The following FKBP5 variants were observed in gnomAD, a reference collection of about 807,000 sequenced individuals.
FKBP5 encodes the protein peptidyl-prolyl cis-trans isomerase FKBP5.
A neutral mutation model predicts 50.5 loss-of-function variants in FKBP5; 23 were observed. The observed-to-expected ratio is 0.46, with a 90% CI of 0.33 to 0.65. The LOEUF is 0.65. Among genes scored for constraint, FKBP5 ranks in the 30% least tolerant of loss-of-function variants. The probability of loss-of-function intolerance (pLI) is 0.02; values close to 1 mark genes in which losing one functional copy is unlikely to be tolerated. For missense variants in FKBP5, 411 were observed against 553.1 expected, an observed-to-expected ratio of 0.74 and a Z score of 2.58; for synonymous variants, 176 against 190.6, an observed-to-expected ratio of 0.92 and a Z score of 0.63.
At position 35,644,986 on chromosome 6, in the gene FKBP5, T is replaced by C. The variant is rs189465203; in HGVS notation, c.-19-2143A>G. On this transcript the variant is annotated intron_variant, in intron 1 of 10. Coordinates refer to ENST00000357266, the MANE Select transcript of FKBP5 (RefSeq NM_004117.4). ...GGTTATTGGGAAAGTACCCCACAGA[T>C]TACTTATTATTAAAAAAGGAAAAAG... is the stretch of plus-strand genomic sequence containing the variant. Among the ~76,000 whole-genome samples the C allele has an allele frequency of 3.5e-3, 528 of 152,256 alleles. 4 individuals carry two copies. The highest frequency in any genetic ancestry group is 0.012 in the African/African-American group (493 of 41,552).
chr6:35,723,290 C>T (rs1766647318), intron 1 of FKBP5, among the ~76,000 whole-genome samples: 5 of 151,386 alleles, frequency 3.3e-5, no homozygotes, highest in Admixed American at 3.3e-4. Flanking sequence ...AAATAAATGC[C>T]CAGGCACAGG....
rs1766158599 is a variant in FKBP5, at chr6:35,700,375, A to C, written c.-20+19953T>G. 2.0e-5 allele frequency among the ~76,000 whole-genome samples: 3 copies of C among 152,250 alleles called. No individual in the cohort carries two copies. In the South Asian group the frequency reaches 6.2e-4, roughly 32 times the overall value. ...TAAGGCTTAAGCCAGAAGTGGCACA[A>C]CATCACTACCACTATATTCTATTAA... On this transcript the variant is annotated intron_variant, in intron 2 of 11. Coordinates refer to the FKBP5 transcript ENST00000536438.
chr6:35,581,603 A>G (rs1296062406), intron 8 of FKBP5: 4 of 985,212 alleles, frequency 4.1e-6, no homozygotes, highest in Non-Finnish European at 4.8e-6. Flanking sequence ...AAAACAAAAC[A>G]AAACAAAACA....
chr6:35,589,130 T>TTTTTATATATATATATATATATA (rs1561846643), intron 7 of FKBP5, among the ~76,000 whole-genome samples: 91 of 112,944 alleles, frequency 8.1e-4, no homozygotes, highest in African/African-American at 2.7e-3. Context: ...ATATATATAT[T>TTTTTATATATATATATATATATA]TTTTTTTTTT....
intron 1 of FKBP5, among the ~76,000 whole-genome samples, chr6:35,655,148 C>A (rs1399389922): frequency 6.6e-6 from 1 of 151,846 alleles, no homozygotes; most frequent in African/African-American, 2.4e-5. Flanking sequence ...ATAGTGAGAC[C>A]CCATGTCTAA....
At chr6:35,614,448 G>A (rs753801663) in intron 5 of FKBP5, among the ~76,000 whole-genome samples, 2 of 152,022 alleles carry the variant, frequency 1.3e-5, no homozygotes, top group Non-Finnish European at 2.9e-5. Flanking sequence ...GAGCATGGCA[G>A]GAACCCAAAA....
Position 35,580,168 on chromosome 6 carries a change from T to C in FKBP5, c.894A>G (p.Leu298=). 1.2e-6 allele frequency: 2 copies of C among 1,614,012 alleles called. No individual in the cohort carries two copies. Among genetic ancestry groups the C allele is most frequent in the Non-Finnish European group, 1.7e-6 (2 of 1,179,840 alleles). The stretch of plus-strand genomic sequence containing the variant: ...TTTCTGATAAACCATATTCCATCTC[T>C]AACCAGGACACTATCTTCCCATACT... ...VIQYGKIVSW[L]EMEYGLSEKE... The change falls in exon 9 of 11, where the codon TTA becomes TTG. Residue 298 remains leucine, a synonymous_variant. Transcript: ENST00000357266.
intron 1 of FKBP5, among the ~76,000 whole-genome samples, chr6:35,664,397 A>G (rs544091652): frequency 6.6e-5 from 10 of 152,284 alleles, no homozygotes; most frequent in Admixed American, 3.9e-4. Context: ...TTCCGTTACC[A>G]TATTCAATTT....
chr6:35,585,477 T>C, intron 8 of FKBP5: 2 of 985,174 alleles, frequency 2.0e-6, no homozygotes, highest in Non-Finnish European at 2.4e-6. Flanking sequence ...AACATCTAAC[T>C]CCCCTATTTT....
chr6:35,663,241 AC>A (rs1765120408), intron 1 of FKBP5, among the ~76,000 whole-genome samples: 1 of 152,234 alleles, frequency 6.6e-6, no homozygotes, highest in African/African-American at 2.4e-5. Flanking sequence ...ACGCGAAGAC[AC>A]AAAGCATCAT....
At chr6:35,652,488 GC>G (rs916684576) in intron 1 of FKBP5, among the ~76,000 whole-genome samples, 7 of 151,970 alleles carry the variant, frequency 4.6e-5, no homozygotes, top group African/African-American at 1.7e-4. Context: ...CTCTGAACTG[GC>G]CCCCCCGGGG....
At chr6:35,636,200 A>G (rs1225438387) in intron 3 of FKBP5, among the ~76,000 whole-genome samples, 15 of 152,200 alleles carry the variant, frequency 9.9e-5, no homozygotes. Context: ...ATCTCATCAG[A>G]AAAGTCTTCG....
intron 2 of FKBP5, among the ~76,000 whole-genome samples, chr6:35,713,949 T>G (rs1766462533): frequency 6.6e-6 from 1 of 152,028 alleles, no homozygotes; most frequent in African/African-American, 2.4e-5. Context: ...CAGAAATCCC[T>G]CACAGACATC....
At chr6:35,586,393 TCTC>T (rs1241525847) in intron 8 of FKBP5, 7 of 985,072 alleles carry the variant, frequency 7.1e-6, no homozygotes, top group Non-Finnish European at 7.2e-6. Flanking sequence ...CAATCAATAC[TCTC>T]CTGTCAGTTT....
chr6:35,705,707 G>A (rs1766295815), intron 2 of FKBP5, among the ~76,000 whole-genome samples: 1 of 152,142 alleles, frequency 6.6e-6, no homozygotes, highest in African/African-American at 2.4e-5. Flanking sequence ...AGCTATCTGG[G>A]GGTGAGGAGG....
Position 35,642,860 on chromosome 6 carries a change from T to C in FKBP5, c.-19-17A>G, listed in dbSNP as rs572160842. On this transcript the variant is annotated splice_polypyrimidine_tract_variant and intron_variant, in intron 1 of 10. Transcript: ENST00000357266. ...GTAGAGAACCTGGTAAGAAGAAAAA[T>C]ATTTTAGCTGGGAAAAATATCACTT... is the stretch of plus-strand genomic sequence containing the variant. 1 of 1,560,274 alleles carries C rather than the reference T, an allele frequency of 6.4e-7. No individual in the cohort carries two copies. Among genetic ancestry groups the C allele is most frequent in the South Asian group, 1.1e-5 (1 of 88,792 alleles).
At chr6:35,602,313 C>T (rs1049130997) in intron 5 of FKBP5, among the ~76,000 whole-genome samples, 1 of 152,158 alleles carries the variant, frequency 6.6e-6, no homozygotes, top group Non-Finnish European at 1.5e-5. Context: ...AGCCTAAAGA[C>T]ATTAGCTCTG....
At chr6:35,686,285 TTAAAA>T (rs1765825967) in intron 1 of FKBP5, among the ~76,000 whole-genome samples, 1 of 152,072 alleles carries the variant, frequency 6.6e-6, no homozygotes, top group Non-Finnish European at 1.5e-5. Flanking sequence ...AAATCAGTAA[TTAAAA>T]TATCTAAAAA....
At chr6:35,701,465 G>C (rs991729004) in intron 2 of FKBP5, among the ~76,000 whole-genome samples, 1 of 151,638 alleles carries the variant, frequency 6.6e-6, no homozygotes, top group African/African-American at 2.4e-5. Context: ...GGATGGTCTC[G>C]ATCTCCTGAC....
Sources: allele counts gnomAD v4.1 joint callset (sites outside exome capture counted in the v4.1 genomes callset), GRCh38; gene constraint gnomAD v4.1.1; transcripts MANE v1.5; gene names NCBI Gene and HGNC (gene_info 2026-07-23, HGNC 2026-07-21).